Variants in POU6F2 observed in about 807,000 individuals in gnomAD.
POU6F2 encodes POU domain, class 6, transcription factor 2.
POU6F2 carries 31 observed loss-of-function variants against 71.3 expected under a neutral mutation model. The ratio of observed to expected loss-of-function variants is 0.43; its 90% CI spans 0.33 to 0.59. The LOEUF (loss-of-function observed/expected upper bound fraction) is 0.59. Ranked by LOEUF, POU6F2 falls within the 20% of genes least tolerant of loss-of-function variation. POU6F2 has a pLI of 0.04. For synonymous variants in POU6F2, 347 were observed against 355.7 expected (o/e 0.98, Z 0.27); for missense variants, 783 against 856.8 (o/e 0.91, Z 1.07).
chr7:38,985,922 T>G (rs1788452363), intron 1 of POU6F2, among the ~76,000 whole-genome samples: 1 of 152,152 alleles, frequency 6.6e-6, no homozygotes. Context: ...ATTCAAGAAC[T>G]AAAGTTGTGA....
chr7:39,067,509 G>T (rs1790783254), intron 1 of POU6F2, among the ~76,000 whole-genome samples: 3 of 151,536 alleles, frequency 2.0e-5, no homozygotes. Flanking sequence ...AAAATATTTG[G>T]GATGCATACA....
chr7:39,189,827 C>A (rs1793623837), intron 2 of POU6F2, among the ~76,000 whole-genome samples: 1 of 152,172 alleles, frequency 6.6e-6, no homozygotes, highest in South Asian at 2.1e-4. Flanking sequence ...TGAACTCTTT[C>A]CAAAATCACT....
chr7:39,435,646 G>A (rs1171069956), intron 7 of POU6F2, among the ~76,000 whole-genome samples: 2 of 152,140 alleles, frequency 1.3e-5, no homozygotes, highest in Non-Finnish European at 2.9e-5. Context: ...GATCTCATTT[G>A]TCAATTTTGG....
chr7:39,153,840 G>C (rs922525057), intron 2 of POU6F2, among the ~76,000 whole-genome samples: 3 of 152,242 alleles, frequency 2.0e-5, no homozygotes, highest in Non-Finnish European at 4.4e-5. Flanking sequence ...CAAAGGGGAC[G>C]CACTTGGAAA....
intron 4 of POU6F2, among the ~76,000 whole-genome samples, chr7:39,237,530 T>C (rs1436389399): frequency 6.6e-6 from 1 of 152,186 alleles, no homozygotes; most frequent in East Asian, 1.9e-4. Flanking sequence ...CCTTTCTTTA[T>C]GGTCCAGGAA....
chr7:39,186,630 G>A (rs549250998), intron 2 of POU6F2, among the ~76,000 whole-genome samples: 4 of 152,218 alleles, frequency 2.6e-5, no homozygotes, highest in African/African-American at 7.2e-5. Context: ...CTTCCGCACC[G>A]GAAATATAAT....
At position 39,101,834 on chromosome 7, in the gene POU6F2, A is replaced by AAT. The variant is rs577038846; in HGVS notation, c.277+15810_277+15811dup. 2.1e-3 allele frequency among the ~76,000 whole-genome samples: 317 copies of AAT among 152,302 alleles called. 2 individuals are homozygous for AAT. Among genetic ancestry groups the AAT allele is most frequent in the South Asian group, 2.9e-3 (14 of 4,816 alleles). ...ACAAAACATCACAGTGTATTCCATA[A>AAT]ATATATATGGTTATTATTAGTCAAT... On this transcript the variant is annotated intron_variant, in intron 2 of 9. Transcript: ENST00000518318.
chr7:39,399,288 C>T (rs1408129324), intron 5 of POU6F2, among the ~76,000 whole-genome samples: 2 of 152,176 alleles, frequency 1.3e-5, no homozygotes, highest in East Asian at 3.9e-4. Context: ...GTCTGTCATT[C>T]GCACTGTATC....
At chr7:39,260,168 C>T (rs944283838) in intron 4 of POU6F2, among the ~76,000 whole-genome samples, 1 of 143,850 alleles carries the variant, frequency 7.0e-6, no homozygotes, top group Non-Finnish European at 1.5e-5. Context: ...ACACCGCACA[C>T]ACTCCATACT....
At chr7:39,189,875 C>T (rs1793624620) in intron 2 of POU6F2, among the ~76,000 whole-genome samples, 1 of 151,908 alleles carries the variant, frequency 6.6e-6, no homozygotes, top group Non-Finnish European at 1.5e-5. Context: ...TTCCTTCTAC[C>T]CCCTTCCTAC....
At chr7:39,108,060 T>G (rs141292661) in intron 2 of POU6F2, among the ~76,000 whole-genome samples, 8 of 152,262 alleles carry the variant, frequency 5.3e-5, no homozygotes, top group African/African-American at 1.9e-4. Context: ...GCTATAACTG[T>G]GATTCTGAAA....
intron 6 of POU6F2, among the ~76,000 whole-genome samples, chr7:39,429,282 C>T (rs550909264): frequency 3.3e-5 from 5 of 152,228 alleles, no homozygotes; most frequent in African/African-American, 9.6e-5. Context: ...TTCCCCAAAT[C>T]GTACCCAATC....
At chr7:39,058,826 G>A (rs146448895) in intron 1 of POU6F2, among the ~76,000 whole-genome samples, 35 of 152,250 alleles carry the variant, frequency 2.3e-4, no homozygotes, top group African/African-American at 8.2e-4. Flanking sequence ...AATCTAAATT[G>A]TGGGTGATTT....
chr7:39,366,006 T>A (rs1369908354), intron 5 of POU6F2, among the ~76,000 whole-genome samples: 2 of 152,304 alleles, frequency 1.3e-5, no homozygotes, highest in East Asian at 3.9e-4. Flanking sequence ...AATGTTAAGC[T>A]GGGTAAAGAA....
At chr7:39,133,688 A>G (rs561488019) in intron 2 of POU6F2, among the ~76,000 whole-genome samples, 28 of 152,248 alleles carry the variant, frequency 1.8e-4, no homozygotes, top group Non-Finnish European at 3.7e-4. Flanking sequence ...CCTTAGTGTC[A>G]ACCTAACACC....
chr7:39,018,179 C>T (rs1010515666), intron 1 of POU6F2, among the ~76,000 whole-genome samples: 2 of 152,156 alleles, frequency 1.3e-5, no homozygotes, highest in Non-Finnish European at 2.9e-5. Context: ...AGGGATAGAA[C>T]TGTCTGCAGG....
chr7:39,008,289 A>AT (rs1425994063), intron 1 of POU6F2, among the ~76,000 whole-genome samples: 2 of 151,246 alleles, frequency 1.3e-5, no homozygotes, highest in East Asian at 1.9e-4. Context: ...GATGATGAGC[A>AT]TTTTTTCATG....
intron 1 of POU6F2, among the ~76,000 whole-genome samples, chr7:39,017,296 G>T (rs1420732836): frequency 6.6e-6 from 1 of 152,142 alleles, no homozygotes; most frequent in Non-Finnish European, 1.5e-5. Flanking sequence ...GCACTGGGCT[G>T]CGTGTGAACA....
chr7:39,058,278 A>G (rs1464996937), intron 1 of POU6F2, among the ~76,000 whole-genome samples: 2 of 152,182 alleles, frequency 1.3e-5, no homozygotes, highest in South Asian at 2.1e-4. Flanking sequence ...GAGCCAGTCA[A>G]TGCCCCCGGA....
Sources: allele counts gnomAD v4.1 joint callset (sites outside exome capture counted in the v4.1 genomes callset), GRCh38; gene constraint gnomAD v4.1.1; transcripts MANE v1.5; gene names NCBI Gene and HGNC (gene_info 2026-07-23, HGNC 2026-07-21).